Variants in YWHAZ observed in about 807,000 individuals in gnomAD.
YWHAZ encodes the protein 14-3-3 protein zeta/delta.
For missense variants in YWHAZ, 79 were observed against 284.8 expected, an observed-to-expected ratio of 0.28 and a Z score of 5.20; for synonymous variants, 87 against 103.6, an observed-to-expected ratio of 0.84 and a Z score of 0.97.
chr8:100,951,330 GC>G, intron 1 of YWHAZ: 1 of 984,416 alleles, frequency 1.0e-6, no homozygotes, highest in Non-Finnish European at 1.2e-6. Context: ...GCCCCTCCCC[GC>G]CGCGCCACCG....
At chr8:100,951,377 G>T (rs980606069) in intron 1 of YWHAZ, 1 of 983,792 alleles carries the variant, frequency 1.0e-6, no homozygotes, top group Non-Finnish European at 1.2e-6. Context: ...TCCCGCCGCC[G>T]CAGCGCCCAG....
intron 2 of YWHAZ, among the ~76,000 whole-genome samples, chr8:100,928,204 C>T (rs973254217): frequency 6.6e-6 from 1 of 151,866 alleles, no homozygotes; most frequent in East Asian, 1.9e-4. Context: ...AGTGTGAACC[C>T]GGGAGGCGGA....
At position 100,945,697 on chromosome 8, in the gene YWHAZ, A is replaced by C. The variant is rs189556303; in HGVS notation, c.294+2899T>G. On this transcript the variant is annotated intron_variant, in intron 2 of 5. Coordinates refer to ENST00000395958, the MANE Select transcript of YWHAZ (RefSeq NM_145690.3). Reference sequence around the variant, plus strand: ...TATTCTTCCATCTCACAGAAAGGGCAGAAGGAATTTTATGCAATATGTTTC... The same window carrying C: ...TATTCTTCCATCTCACAGAAAGGGCCGAAGGAATTTTATGCAATATGTTTC... 1.7e-3 allele frequency among the ~76,000 whole-genome samples: 253 copies of C among 152,280 alleles called. 3 individuals are homozygous for C. Among genetic ancestry groups the C allele is most frequent in the East Asian group, 1.5e-3 (8 of 5,186 alleles).
At chr8:100,927,101 G>C (rs975710361) in intron 2 of YWHAZ, among the ~76,000 whole-genome samples, 5 of 152,192 alleles carry the variant, frequency 3.3e-5, no homozygotes, top group African/African-American at 1.2e-4. Flanking sequence ...TTAGGAGTAA[G>C]CACTTAAAAT....
chr8:100,920,295 A>ACAC lies in YWHAZ; in HGVS notation c.*395_*397dup. The ACAC allele has an allele frequency of 5.4e-6, 1 of 186,234 alleles. No homozygotes were observed. The highest frequency in any genetic ancestry group is 1.0e-4 in the South Asian group (1 of 9,722). The allele number at this position is 186,234 out of a possible 1,614,324, so 11.5% of individuals were successfully genotyped here. ...AAACCTTAAAGTACCCACAATTACTACACCTGTGACTGGAACCAATGATCC... is the reference window on the plus strand; with the variant it reads ...AAACCTTAAAGTACCCACAATTACTACACCACCTGTGACTGGAACCAATGATCC... On this transcript the variant is annotated 3_prime_UTR_variant, in exon 6 of 6. Transcript: ENST00000395958.
intron 2 of YWHAZ, among the ~76,000 whole-genome samples, chr8:100,944,415 A>C (rs1327542483): frequency 6.6e-6 from 1 of 152,156 alleles, no homozygotes; most frequent in Non-Finnish European, 1.5e-5. Flanking sequence ...ATAAAATAGA[A>C]CTCAGTCAAA....
At position 100,917,273 on chromosome 8, in the gene YWHAZ, T is replaced by C. The variant is rs112802896; in HGVS notation, c.*3420A>G. The C allele has an allele frequency of 2.6e-5, 4 of 152,162 alleles. No individual in the cohort carries two copies. The highest frequency in any genetic ancestry group is 5.9e-5 in the Non-Finnish European group (4 of 68,062). The allele number at this position is 152,162 out of a possible 1,614,324, so 9.4% of individuals were successfully genotyped here. A position where few individuals can be genotyped will look rare whatever the true frequency, so the allele number is the denominator to read the frequency against. On this transcript the variant is annotated 3_prime_UTR_variant, in exon 6 of 6. Coordinates refer to ENST00000395958, the MANE Select transcript of YWHAZ (RefSeq NM_145690.3). Reference sequence around the variant, plus strand: ...TAAGCCACTAGACATATTCTTTCTCTTTCTCCCCCCACCCCCTATAACAGC... The same window carrying C: ...TAAGCCACTAGACATATTCTTTCTCCTTCTCCCCCCACCCCCTATAACAGC...
At chr8:100,950,668 GA>G (rs1348181093) in intron 1 of YWHAZ, 9,636 of 840,412 alleles carry the variant, frequency 0.011, 208 homozygotes, top group African/African-American at 0.072. Context: ...GGGGGGGGGG[GA>G]GAGATGGGGA....
chr8:100,950,663 G>A (rs910044686), intron 1 of YWHAZ: 86 of 909,892 alleles, frequency 9.5e-5, no homozygotes, highest in South Asian at 2.0e-4. Context: ...GCCGTGGGGG[G>A]GGGGGAGAGA....
At chr8:100,933,554 G>A (rs1222603921) in intron 2 of YWHAZ, among the ~76,000 whole-genome samples, 1 of 152,082 alleles carries the variant, frequency 6.6e-6, no homozygotes, top group Non-Finnish European at 1.5e-5. Context: ...AAAAGAATCT[G>A]TGCTAAATAC....
intron 2 of YWHAZ, among the ~76,000 whole-genome samples, chr8:100,934,149 A>G (rs1377633951): frequency 2.5e-5 from 1 of 39,238 alleles, no homozygotes; most frequent in African/African-American, 1.7e-4. Context: ...ACAAAGCTAG[A>G]CTCGTCTCAA....
At chr8:100,923,416 A>C (rs1382275269) in intron 5 of YWHAZ, 1 of 151,714 alleles carries the variant, frequency 6.6e-6, no homozygotes, top group Non-Finnish European at 1.5e-5. Context: ...TATTATTTAG[A>C]TATTCAAACA....
intron 2 of YWHAZ, among the ~76,000 whole-genome samples, chr8:100,936,419 C>T (rs909311438): frequency 6.6e-6 from 1 of 152,196 alleles, no homozygotes; most frequent in African/African-American, 2.4e-5. Flanking sequence ...GGTTAAGTAA[C>T]AGGACAACAC....
In YWHAZ at chr8:100,918,376, C is replaced by A. The variant is rs940408365; in HGVS notation, c.*2317G>T. On this transcript the variant is annotated 3_prime_UTR_variant, in exon 6 of 6. Coordinates refer to ENST00000395958, the MANE Select transcript of YWHAZ (RefSeq NM_145690.3). Reference sequence around the variant, plus strand: ...AAAAAAAACAACAAAAAAATTCCCACCTCTTCAGTCTAGCTATAAAATATA... The same window carrying A: ...AAAAAAAACAACAAAAAAATTCCCAACTCTTCAGTCTAGCTATAAAATATA... 2 of 117,344 alleles carry A rather than the reference C, an allele frequency of 1.7e-5. No homozygotes were observed. Among genetic ancestry groups the A allele is most frequent in the East Asian group, 2.7e-4 (1 of 3,712 alleles). 7.3% of individuals were successfully genotyped at this position (117,344 alleles called of 1,614,324 possible). A position where few individuals can be genotyped will look rare whatever the true frequency, so the allele number is the denominator to read the frequency against.
At position 100,924,436 on chromosome 8, in the gene YWHAZ, C is replaced by CTTT; in HGVS notation, c.419-141_419-139dup. On this transcript the variant is annotated intron_variant, in intron 3 of 5. Coordinates refer to ENST00000395958, the MANE Select transcript of YWHAZ (RefSeq NM_145690.3). The surrounding 1 kb of genome is among the most constrained non-coding windows in gnomAD (Gnocchi z 5.7). ...TAATATTTGTTAATTGAACAAGGTCCTTTTTTTTTTTTAAAGGGAGCTTTC... is the reference window on the plus strand; with the variant it reads ...TAATATTTGTTAATTGAACAAGGTCCTTTTTTTTTTTTTTTAAAGGGAGCTTTC... The CTTT allele has an allele frequency of 2.9e-6, 2 of 681,240 alleles. No individual in the cohort carries two copies. The highest frequency in any genetic ancestry group is 4.4e-6 in the Non-Finnish European group (2 of 457,486). 42.2% of individuals were successfully genotyped at this position (681,240 alleles called of 1,614,324 possible).
In YWHAZ at chr8:100,948,466, G is replaced by T; in HGVS notation, c.294+130C>A. Reference sequence around the variant, plus strand: ...AACATCTTTTTAGTCATGACACCATGAAGACTTTTAAATTTGGAACACACA... The same window carrying T: ...AACATCTTTTTAGTCATGACACCATTAAGACTTTTAAATTTGGAACACACA... On this transcript the variant is annotated intron_variant, in intron 2 of 5. Transcript: ENST00000395958. The surrounding 1 kb of genome is among the most constrained non-coding windows in gnomAD (Gnocchi z 4.2). 1 of 1,040,556 alleles carries T rather than the reference G, an allele frequency of 9.6e-7. No homozygotes were observed. The highest frequency in any genetic ancestry group is 1.4e-6 in the Non-Finnish European group (1 of 717,638). 64.5% of individuals were successfully genotyped at this position (1,040,556 alleles called of 1,614,324 possible). A position where few individuals can be genotyped will look rare whatever the true frequency, so the allele number is the denominator to read the frequency against.
At chr8:100,923,692 T>G in intron 5 of YWHAZ, 1 of 290,504 alleles carries the variant, frequency 3.4e-6, no homozygotes, top group Non-Finnish European at 6.4e-6. Flanking sequence ...ATGTAGAGTC[T>G]CAGCACACTT....
chr8:100,952,819 C>G (rs1221584542), upstream of YWHAZ: 4 of 1,000,394 alleles, frequency 4.0e-6, no homozygotes, highest in African/African-American at 5.2e-5. Context: ...CGCGGCCCCT[C>G]CCGGCCTCCC....
upstream of YWHAZ, chr8:100,953,093 G>A (rs1171453477): frequency 1.0e-6 from 1 of 991,396 alleles, no homozygotes; most frequent in African/African-American, 1.7e-5. Flanking sequence ...GGAAGCCAGA[G>A]TTCCGAGGGG....
Sources: allele counts gnomAD v4.1 joint callset (sites outside exome capture counted in the v4.1 genomes callset), GRCh38; gene constraint gnomAD v4.1.1; non-coding constraint Gnocchi (gnomAD v3.1); transcripts MANE v1.5; gene names NCBI Gene and HGNC (gene_info 2026-07-23, HGNC 2026-07-21).